PIGS: variants seen among roughly 807,000 people sequenced by gnomAD.
PIGS encodes the protein GPI-anchor transamidase component PIGS.
Under a neutral mutation model 58.2 loss-of-function variants are expected in PIGS, and 37 were observed. The ratio of observed to expected loss-of-function variants is 0.64; its 90% CI spans 0.49 to 0.84. PIGS has a LOEUF of 0.84. Ranked by LOEUF, PIGS falls within the 40% of genes least tolerant of loss-of-function variation. The pLI is 0.00. For missense variants in PIGS, 629 were observed against 710.8 expected (o/e 0.88, Z 1.31); for synonymous variants, 269 against 289.2 (o/e 0.93, Z 0.71).
rs865810211 is a variant in PIGS at position 28,558,147 on chromosome 17, A to T, written c.934+329T>A. 9.9e-5 allele frequency among the ~76,000 whole-genome samples: 15 copies of T among 152,270 alleles called. No individual in the cohort carries two copies. The Middle Eastern group carries it at 0.01, about 104-fold the overall frequency. ...TAATGAGATCCTGTCTCTAAAAAAA[A>T]TTTTGAAAATTAGCCAAGTGTAGTG... On this transcript the variant is annotated intron_variant, in intron 8 of 11. Coordinates refer to ENST00000308360, the MANE Select transcript of PIGS (RefSeq NM_033198.4).
In PIGS at chr17:28,558,569, C is replaced by A. The variant is rs562187352; in HGVS notation, c.841G>T (p.Gly281Trp). The change falls in exon 8 of 12, where the codon GGG becomes TGG. Residue 281 changes from glycine (G) to tryptophan (W), a missense_variant. Physicochemically the swap from Gly to Trp is radical, Grantham distance 184 (BLOSUM62 -2). Coordinates refer to ENST00000308360, the MANE Select transcript of PIGS (RefSeq NM_033198.4). Reference protein sequence around the residue: ...DSQILYYAMLGVNPRFDSASS... With the variant: ...DSQILYYAMLWVNPRFDSASS... ...GCTGAGTCAAAGCGGGGATTCACCC[C>A]CAACATTGCATAGTAAAGAATCTGT... 3.7e-6 allele frequency: 6 copies of A among 1,611,798 alleles called. No individual in the cohort carries two copies. In the South Asian group the frequency reaches 4.4e-5, roughly 12 times the overall value.
Position 28,553,569 on chromosome 17 carries a change from A to C in PIGS, c.*651T>G, listed in dbSNP as rs1490886429. On this transcript the variant is annotated 3_prime_UTR_variant, in exon 12 of 12. Transcript: ENST00000308360. ...ATACCTTATCCAAAGCTCTCCAGAC[A>C]ATAAGTGCAAAAACAAGGATTTGAA... is the stretch of plus-strand genomic sequence containing the variant. 6.5e-6 allele frequency: 1 copy of C among 153,210 alleles called. No individual in the cohort carries two copies. The highest frequency in any genetic ancestry group is 2.4e-5 in the African/African-American group (1 of 41,368). 9.5% of individuals were successfully genotyped at this position (153,210 alleles called of 1,614,324 possible).
intron 6 of PIGS, 179 bp from the exon 7 acceptor site, chr17:28,560,370 G>A (rs774946736): frequency 3.8e-4 from 258 of 677,088 alleles, no homozygotes; most frequent in Non-Finnish European, 5.5e-4. Flanking sequence ...GCTGCCGGGC[G>A]CTGTGGCTCA....
At chr17:28,563,706 G>T in intron 4 of PIGS, 112 bp downstream of exon 4, 2 of 1,301,200 alleles carry the variant, frequency 1.5e-6, no homozygotes, top group Non-Finnish European at 1.1e-6. Context: ...CTCATTCCCA[G>T]CATTCCAAGA....
intron 7 of PIGS, 22 bp downstream of exon 7, chr17:28,560,027 C>A: frequency 1.3e-6 from 2 of 1,591,512 alleles, no homozygotes; most frequent in Non-Finnish European, 1.7e-6. Context: ...AAAAGGACTC[C>A]TCAACTTGCT....
Position 28,556,890 on chromosome 17 carries a change from C to T in PIGS, c.1017G>A (p.Gln339=), listed in dbSNP as rs750197199. 2.5e-6 allele frequency: 4 copies of T among 1,614,176 alleles called. No individual in the cohort carries two copies. The highest frequency in any genetic ancestry group is 3.3e-5 in the Admixed American group (2 of 60,016). The change falls in exon 9 of 12, where the codon CAG becomes CAA. Residue 339 remains glutamine, a synonymous_variant. Coordinates refer to ENST00000308360, the MANE Select transcript of PIGS (RefSeq NM_033198.4). ...TGGCCACTGGAGCGCCATCCTTGTC[C>T]TGAATGTACAGCGGTGAGTGTGCAA... ...PELAHSPLYI[Q]DKDGAPVATN...
intron 5 of PIGS, among the ~76,000 whole-genome samples, 185 bp downstream of exon 5, chr17:28,563,246 T>C (rs1424852328): frequency 1.3e-5 from 2 of 150,872 alleles, no homozygotes; most frequent in African/African-American, 4.9e-5. Context: ...TGAGCCGAGA[T>C]CCCGCCACTG....
chr17:28,554,706 A>T, intron 11 of PIGS, 145 bp downstream of exon 11: 1 of 1,224,566 alleles, frequency 8.2e-7, no homozygotes, highest in Non-Finnish European at 1.2e-6. Flanking sequence ...GGGGGCTGGT[A>T]CTGCCGTCTA....
At chr17:28,564,608 G>A (rs1211070294) in intron 3 of PIGS, among the ~76,000 whole-genome samples, 4 of 151,916 alleles carry the variant, frequency 2.6e-5, no homozygotes, top group Non-Finnish European at 5.9e-5. Context: ...CCAGCTACTC[G>A]GGAAGCTCAG....
In PIGS at chr17:28,556,879, C is replaced by T. The variant is rs1401560207; in HGVS notation, c.1028G>A (p.Gly343Asp). 1.2e-6 allele frequency: 2 copies of T among 1,614,150 alleles called. No individual in the cohort carries two copies. Among genetic ancestry groups the T allele is most frequent in the South Asian group, 2.2e-5 (2 of 91,082 alleles). ...GAAGGCATTGGTGGCCACTGGAGCG[C>T]CATCCTTGTCCTGAATGTACAGCGG... is the stretch of plus-strand genomic sequence containing the variant. Reference protein sequence around the residue: ...HSPLYIQDKDGAPVATNAFHS... With the variant: ...HSPLYIQDKDDAPVATNAFHS... Residue 343 changes from glycine to aspartate, a missense_variant, in exon 9 of 12, where the codon GGC (glycine) becomes GAC (aspartate). Gly to Asp is a moderately conservative substitution (Grantham distance 94, BLOSUM62 -1). Coordinates refer to ENST00000308360, the MANE Select transcript of PIGS (RefSeq NM_033198.4).
intron 10 of PIGS, chr17:28,555,477 T>C (rs1248107531): frequency 5.1e-6 from 1 of 195,086 alleles, no homozygotes; most frequent in East Asian, 1.6e-4. Context: ...TCTCTAAGCC[T>C]GCATCCGTGA....
chr17:28,563,346 G>C (rs1248648657), intron 5 of PIGS, 85 bp downstream of exon 5: 2 of 1,171,140 alleles, frequency 1.7e-6, no homozygotes, highest in Non-Finnish European at 2.5e-6. Context: ...GGAAGAAATG[G>C]GTAGCAATGA....
chr17:28,555,747 G>A (rs903630371), intron 10 of PIGS: 3 of 185,230 alleles, frequency 1.6e-5, no homozygotes, highest in African/African-American at 7.2e-5. Context: ...TAAGCGGGTG[G>A]ATCACGAGGT....
At chr17:28,561,870 C>T in intron 5 of PIGS, 1 of 418,178 alleles carries the variant, frequency 2.4e-6, no homozygotes, top group Admixed American at 4.3e-5. Flanking sequence ...TCTAACTCTT[C>T]AGGGGCTGGT....
intron 9 of PIGS, chr17:28,556,484 T>C: frequency 2.8e-6 from 2 of 722,320 alleles, no homozygotes; most frequent in South Asian, 2.9e-5. Flanking sequence ...TTTTTTCTTA[T>C]CCCATTTTAG....
In PIGS at chr17:28,553,907, A is replaced by C; in HGVS notation, c.*313T>G. On this transcript the variant is annotated 3_prime_UTR_variant, in exon 12 of 12. Coordinates refer to ENST00000308360, the MANE Select transcript of PIGS (RefSeq NM_033198.4). The stretch of plus-strand genomic sequence containing the variant: ...CAGTGCACAAGTGTGCTATGTTGAG[A>C]AATGGGGCAAAAGAACAAACAGTCC... 1 of 386,672 alleles carries C rather than the reference A, an allele frequency of 2.6e-6. No individual in the cohort carries two copies. Among genetic ancestry groups the C allele is most frequent in the Middle Eastern group, 7.9e-4 (1 of 1,258 alleles). The allele number at this position is 386,672 out of a possible 1,614,324, so 24.0% of individuals were successfully genotyped here.
chr17:28,556,525 A>G (rs1380737293), intron 9 of PIGS: 1 of 724,864 alleles, frequency 1.4e-6, no homozygotes, highest in Admixed American at 1.8e-5. Flanking sequence ...TTCCAGTCTA[A>G]CAAGGGAGAC....
intron 5 of PIGS, among the ~76,000 whole-genome samples, chr17:28,563,065 T>TG (rs1487344807): frequency 6.6e-6 from 1 of 152,130 alleles, no homozygotes; most frequent in African/African-American, 2.4e-5. Context: ...CTCAGCACTC[T>TG]GGGGGGCCAA....
rs777279603 is a variant in PIGS, at chr17:28,571,136, C to T, written c.87G>A (p.Val29=). The change falls in exon 2 of 12, where the codon GTG becomes GTA. Residue 29 remains valine, a synonymous_variant. Transcript: ENST00000308360. ...AALFFAAVAI[V]LGLPLWWKTT... is the part of the protein sequence containing the mutation. ...TCTTCCACCAGAGCGGTAGCCCCAG[C>T]ACGATGGCCACCGCAGCGAAGAAGA... The T allele has an allele frequency of 5.6e-6, 9 of 1,613,878 alleles. No homozygotes were observed. The East Asian group carries it at 1.6e-4, about 28-fold the overall frequency.
Sources: allele counts gnomAD v4.1 joint callset (sites outside exome capture counted in the v4.1 genomes callset), GRCh38; gene constraint gnomAD v4.1.1; transcripts MANE v1.5; gene names NCBI Gene and HGNC (gene_info 2026-07-23, HGNC 2026-07-21).